Variants in TNFAIP8L1 observed in about 807,000 individuals in gnomAD.
TNFAIP8L1 encodes tumor necrosis factor alpha-induced protein 8-like protein 1.
For synonymous variants in TNFAIP8L1, 127 were observed against 125.6 expected, an observed-to-expected ratio of 1.01 and a Z score of -0.08; for missense variants, 225 against 266.1, an observed-to-expected ratio of 0.85 and a Z score of 1.08.
At chr19:4,649,888 CGG>C (rs1491119405) in intron 1 of TNFAIP8L1, among the ~76,000 whole-genome samples, 1 of 152,208 alleles carries the variant, frequency 6.6e-6, no homozygotes, top group Admixed American at 6.5e-5. Flanking sequence ...GAACTTCTCC[CGG>C]AGTCTGAACT....
chr19:4,651,878 C>T lies in TNFAIP8L1; in HGVS notation c.9C>T (p.Thr3=), dbSNP rs200454576. 60 of 1,604,508 alleles carry T rather than the reference C, an allele frequency of 3.7e-5. No homozygotes were observed. The East Asian group carries it at 1.3e-3, about 36-fold the overall frequency. Reference sequence around the variant, plus strand: ...TGTGTCCCCCGCAGGCCATGGACACCTTCAGCACCAAGAGCCTGGCTCTGC... The same window carrying T: ...TGTGTCCCCCGCAGGCCATGGACACTTTCAGCACCAAGAGCCTGGCTCTGC... MD[T]FSTKSLALQA... The change falls in exon 2 of 2, where the codon ACC becomes ACT. Residue 3 remains threonine (T), a synonymous_variant. Transcript: ENST00000327473.
chr19:4,650,685 C>T (rs1028201136), intron 1 of TNFAIP8L1, among the ~76,000 whole-genome samples: 1 of 148,552 alleles, frequency 6.7e-6, no homozygotes, highest in African/African-American at 2.6e-5. Context: ...CCAGCCTGGA[C>T]GGGGGCTGTC....
chr19:4,649,992 G>A (rs912441293), intron 1 of TNFAIP8L1, among the ~76,000 whole-genome samples: 1 of 152,248 alleles, frequency 6.6e-6, no homozygotes, highest in African/African-American at 2.4e-5. Context: ...GGTGGGAGTG[G>A]AGGCTGAGCA....
At chr19:4,640,577 C>T (rs867085950) in intron 1 of TNFAIP8L1, 3 of 152,332 alleles carry the variant, frequency 2.0e-5, no homozygotes, top group Non-Finnish European at 4.4e-5. Context: ...GCCTCAGTTT[C>T]CTCATCTGTA....
Position 4,643,864 on chromosome 19 carries a change from G to C in TNFAIP8L1, c.-4+4235G>C, listed in dbSNP as rs145881875. On this transcript the variant is annotated intron_variant, in intron 1 of 1. Transcript: ENST00000327473. ...GCAGGAGAATTGCTTGAACTGGAGA[G>C]GTGGAGGTTGCAGTGGGCTGAGATC... Among the ~76,000 whole-genome samples, 98 of 152,202 alleles carry C rather than the reference G, an allele frequency of 6.4e-4. 1 individual carries two copies. The East Asian group carries it at 0.018, about 28-fold the overall frequency.
chr19:4,640,268 T>G (rs916687174), intron 1 of TNFAIP8L1: 2 of 152,298 alleles, frequency 1.3e-5, no homozygotes, highest in African/African-American at 4.8e-5. Context: ...AAGAGGCCAA[T>G]GCTTCCAATG....
intron 1 of TNFAIP8L1, among the ~76,000 whole-genome samples, chr19:4,648,516 TGCCCCG>T (rs2088332468): frequency 6.6e-6 from 1 of 152,206 alleles, no homozygotes; most frequent in African/African-American, 2.4e-5. Flanking sequence ...GTCCCGGGGC[TGCCCCG>T]GCCGTCTTAG....
At chr19:4,651,802 T>A in intron 1 of TNFAIP8L1, 65 bp from the exon 2 acceptor site, 1 of 1,500,862 alleles carries the variant, frequency 6.7e-7, no homozygotes, top group African/African-American at 1.4e-5. Flanking sequence ...TGTGGTGTTG[T>A]CACCTCTTCT....
At chr19:4,649,925 G>C (rs1032619157) in intron 1 of TNFAIP8L1, among the ~76,000 whole-genome samples, 17 of 152,248 alleles carry the variant, frequency 1.1e-4, no homozygotes, top group African/African-American at 3.9e-4. Context: ...CTTTGTGGGG[G>C]CTCCTGGGGT....
At position 4,652,277 on chromosome 19, in the gene TNFAIP8L1, C is replaced by A. The variant is rs1007125411; in HGVS notation, c.408C>A (p.Thr136=). The A allele has an allele frequency of 1.9e-6, 3 of 1,565,296 alleles. No individual in the cohort carries two copies. In the Admixed American group the frequency reaches 5.5e-5, roughly 29 times the overall value. ...ACCAGGCCGTGGGTCCCCACCTGAC[C>A]GCCAAGTCCCACGGCCGCATCAACC... is the stretch of plus-strand genomic sequence containing the variant. ...LLHQAVGPHL[T]AKSHGRINHV... The change falls in exon 2 of 2, where the codon ACC becomes ACA. Residue 136 remains threonine (T), a synonymous_variant. Transcript: ENST00000327473.
intron 1 of TNFAIP8L1, chr19:4,642,155 G>C (rs1354100395): frequency 2.0e-5 from 3 of 152,196 alleles, no homozygotes; most frequent in Non-Finnish European, 2.9e-5. Context: ...CTTCAGCCTG[G>C]GCGACAGGAG....
rs550432542 is a variant in TNFAIP8L1, at chr19:4,653,764, C to T, written c.*1334C>T. Reference sequence around the variant, plus strand: ...TTCAGCCTGGTGACAGAGCGAGACTCGTCTCAAAAAAAAAAAAAAAAAAAA... The same window carrying T: ...TTCAGCCTGGTGACAGAGCGAGACTTGTCTCAAAAAAAAAAAAAAAAAAAA... On this transcript the variant is annotated 3_prime_UTR_variant, in exon 2 of 2. Coordinates refer to ENST00000327473, the MANE Select transcript of TNFAIP8L1 (RefSeq NM_152362.3). 4 of 86,156 alleles carry T rather than the reference C, an allele frequency of 4.6e-5. No homozygotes were observed. The highest frequency in any genetic ancestry group is 3.0e-4 in the East Asian group (1 of 3,364). The allele number at this position is 86,156 out of a possible 1,614,324, so 5.3% of individuals were successfully genotyped here.
rs897966467 is a variant in TNFAIP8L1 at position 4,641,277 on chromosome 19, A to G, written c.-4+1648A>G. The G allele has an allele frequency of 3.9e-5, 6 of 152,168 alleles. No individual in the cohort carries two copies. Among genetic ancestry groups the G allele is most frequent in the African/African-American group, 1.2e-4 (5 of 41,430 alleles). The allele number at this position is 152,168 out of a possible 1,614,324, so 9.4% of individuals were successfully genotyped here. A position where few individuals can be genotyped will look rare whatever the true frequency, so the allele number is the denominator to read the frequency against. Reference sequence around the variant, plus strand: ...AGGCCTCAGTGTCCCTGTCTGTCCAATGGGGCCACGAAAGGGTGCCTTGAG... The same window carrying G: ...AGGCCTCAGTGTCCCTGTCTGTCCAGTGGGGCCACGAAAGGGTGCCTTGAG... On this transcript the variant is annotated intron_variant, in intron 1 of 1. Coordinates refer to ENST00000327473, the MANE Select transcript of TNFAIP8L1 (RefSeq NM_152362.3). This position sits in a 1 kb window ranked among gnomAD's most constrained non-coding sequence, Gnocchi z 4.6.
At position 4,652,135 on chromosome 19, in the gene TNFAIP8L1, G is replaced by A. The variant is rs771174709; in HGVS notation, c.266G>A (p.Arg89His). 3 of 1,575,590 alleles carry A rather than the reference G, an allele frequency of 1.9e-6. No individual in the cohort carries two copies. In the South Asian group the frequency reaches 3.4e-5, roughly 18 times the overall value. Residue 89 changes from arginine to histidine, a missense_variant, in exon 2 of 2, where the codon CGC becomes CAC. Transcript: ENST00000327473. ...LGGEELALLRRFRHRARCLAM... is the reference protein window; with the variant it reads ...LGGEELALLRHFRHRARCLAM... ...GGTGAGGAGCTGGCGCTGCTGCGGCGCTTCCGCCACCGGGCGCGCTGCCTG... is the reference window on the plus strand; with the variant it reads ...GGTGAGGAGCTGGCGCTGCTGCGGCACTTCCGCCACCGGGCGCGCTGCCTG...
At position 4,652,349 on chromosome 19, in the gene TNFAIP8L1, C is replaced by T. The variant is rs1461071826; in HGVS notation, c.480C>T (p.Tyr160=). The T allele has an allele frequency of 3.9e-6, 6 of 1,550,606 alleles. No homozygotes were observed. The highest frequency in any genetic ancestry group is 2.4e-5 in the East Asian group (1 of 41,076). ...ACTGCGACTTCCTGGCTGCGCTCTA[C>T]GGCCCCGCCGAGCCCTACCGCTCCC... is the stretch of plus-strand genomic sequence containing the variant. ...LADCDFLAAL[Y]GPAEPYRSHL... Residue 160 remains tyrosine, a synonymous_variant, in exon 2 of 2, where the codon TAC becomes TAT. Coordinates refer to ENST00000327473, the MANE Select transcript of TNFAIP8L1 (RefSeq NM_152362.3).
Position 4,654,738 on chromosome 19 carries a change from T to C in TNFAIP8L1, c.*2308T>C, listed in dbSNP as rs891935233. 2.6e-5 allele frequency: 4 copies of C among 152,192 alleles called. No homozygotes were observed. Among genetic ancestry groups the C allele is most frequent in the African/African-American group, 9.7e-5 (4 of 41,444 alleles). The allele number at this position is 152,192 out of a possible 1,614,324, so 9.4% of individuals were successfully genotyped here. On this transcript the variant is annotated 3_prime_UTR_variant, in exon 2 of 2. Coordinates refer to ENST00000327473, the MANE Select transcript of TNFAIP8L1 (RefSeq NM_152362.3). ...CTTGGCTCTGGTACCACCCACGAGATGCGGGCGATTCTCAGCTCAGGGCGT... is the reference window on the plus strand; with the variant it reads ...CTTGGCTCTGGTACCACCCACGAGACGCGGGCGATTCTCAGCTCAGGGCGT...
rs2088265098 is a variant in TNFAIP8L1, at chr19:4,641,985, AACAT to A, written c.-4+2357_-4+2360del. ...ATCTAGAGAATTTCCCAGCCTGGGC[AACAT>A]GGTGAAACCCTGTCTCTACTTAAAA... On this transcript the variant is annotated intron_variant, in intron 1 of 1. Coordinates refer to ENST00000327473, the MANE Select transcript of TNFAIP8L1 (RefSeq NM_152362.3). This position sits in a 1 kb window ranked among gnomAD's most constrained non-coding sequence, Gnocchi z 4.6. 2 of 152,194 alleles carry A rather than the reference AACAT, an allele frequency of 1.3e-5. No individual in the cohort carries two copies. Among genetic ancestry groups the A allele is most frequent in the African/African-American group, 4.8e-5 (2 of 41,442 alleles). The allele number at this position is 152,194 out of a possible 1,614,324, so 9.4% of individuals were successfully genotyped here.
At position 4,650,080 on chromosome 19, in the gene TNFAIP8L1, T is replaced by G. The variant is rs1049699482; in HGVS notation, c.-3-1787T>G. Among the ~76,000 whole-genome samples, 3 of 152,194 alleles carry G rather than the reference T, an allele frequency of 2.0e-5. No individual in the cohort carries two copies. The South Asian group carries it at 6.2e-4, about 32-fold the overall frequency. On this transcript the variant is annotated intron_variant, in intron 1 of 1. Coordinates refer to ENST00000327473, the MANE Select transcript of TNFAIP8L1 (RefSeq NM_152362.3). ...CGCCAGTTCTTCCACACTCCCCTCT[T>G]CATTCAGCAGATGTTTCTGGAGTCT...
In TNFAIP8L1 at chr19:4,652,104, C is replaced by G; in HGVS notation, c.235C>G (p.Leu79Val). 1 of 1,594,644 alleles carries G rather than the reference C, an allele frequency of 6.3e-7. No individual in the cohort carries two copies. The highest frequency in any genetic ancestry group is 8.5e-7 in the Non-Finnish European group (1 of 1,170,956). The change falls in exon 2 of 2, where the codon CTG becomes GTG. Residue 79 changes from leucine to valine, a missense_variant. Leu to Val is a conservative substitution (Grantham distance 32, BLOSUM62 1). Coordinates refer to ENST00000327473, the MANE Select transcript of TNFAIP8L1 (RefSeq NM_152362.3). ...KLGLLLRGDQ[L>V]GGEELALLRR... ...GGGACTGCTGCTGCGTGGGGACCAG[C>G]TGGGCGGTGAGGAGCTGGCGCTGCT...
Sources: gnomAD v4.1 joint callset for allele counts (sites outside exome capture counted in the v4.1 genomes callset) on GRCh38, gnomAD v4.1.1 for gene constraint, Gnocchi (gnomAD v3.1) non-coding constraint, MANE v1.5 for transcripts, NCBI Gene and HGNC (gene_info 2026-07-23, HGNC 2026-07-21) for gene names.